RIN2: variants seen among roughly 807,000 people sequenced by gnomAD.
The protein encoded by RIN2 is Ras and Rab interactor 2, also known as RAB5 interacting protein 2.
In RIN2, 36 loss-of-function variants were observed where a neutral mutation model predicts 78.0. That is an observed-to-expected ratio of 0.46 (90% CI 0.35 to 0.61). The LOEUF (loss-of-function observed/expected upper bound fraction) is 0.61. RIN2 is among the 20% of genes least tolerant of loss of function. The pLI is 0.00. For synonymous variants in RIN2, 466 were observed against 466.8 expected (o/e 1.00, Z 0.02); for missense variants, 1,087 against 1,159.7 (o/e 0.94, Z 0.91).
chr20:19,878,045 T>C (rs983959851), intron 2 of RIN2, among the ~76,000 whole-genome samples: 2 of 152,136 alleles, frequency 1.3e-5, no homozygotes, highest in African/African-American at 4.8e-5. Context: ...GCGGAAGCTG[T>C]GTCCATTCTG....
chr20:19,764,918 G>GTTTTTTTTTTTGTTTTTTTTTTT (rs2033807887), intron 1 of RIN2, among the ~76,000 whole-genome samples: 1 of 50,362 alleles, frequency 2.0e-5, no homozygotes, highest in East Asian at 8.7e-4. Flanking sequence ...CACTTTCTGC[G>GTTTTTTTTTTTGTTTTTTTTTTT]TTTTTTTTTT....
chr20:19,931,714 T>A (rs2040446792), intron 3 of RIN2, among the ~76,000 whole-genome samples: 1 of 151,956 alleles, frequency 6.6e-6, no homozygotes, highest in Non-Finnish European at 1.5e-5. Flanking sequence ...TTTGCCTTTT[T>A]TTTTTTTTTT....
chr20:19,977,859 GT>G (rs901146551), intron 9 of RIN2, among the ~76,000 whole-genome samples: 1 of 152,014 alleles, frequency 6.6e-6, no homozygotes, highest in Non-Finnish European at 1.5e-5. Flanking sequence ...GTTTGGTTTG[GT>G]TTTTTTAAAC....
intron 1 of RIN2, among the ~76,000 whole-genome samples, chr20:19,771,963 TTCCA>T (rs1269037176): frequency 4.6e-5 from 7 of 152,298 alleles, no homozygotes; most frequent in Admixed American, 3.3e-4. Flanking sequence ...TCTGCAGAAC[TTCCA>T]TGACTCCCAA....
chr20:19,977,774 C>G (rs972444696), intron 9 of RIN2, among the ~76,000 whole-genome samples: 1 of 152,174 alleles, frequency 6.6e-6, no homozygotes, highest in Non-Finnish European at 1.5e-5. Context: ...TGTGTTGAGG[C>G]AGCTCAGACT....
chr20:19,792,939 CTGTGTGTGTGTGTGTG>C (rs36049213), intron 1 of RIN2, among the ~76,000 whole-genome samples: 1 of 147,148 alleles, frequency 6.8e-6, no homozygotes, highest in Non-Finnish European at 1.5e-5. Context: ...TAAGCAGCCA[CTGTGTGTGTGTGTGTG>C]TGTGTGTGTG....
rs989560819 is a variant in RIN2 at position 19,973,941 on chromosome 20, C to T, written c.629-713C>T. Among the ~76,000 whole-genome samples, 8 of 152,198 alleles carry T rather than the reference C, an allele frequency of 5.3e-5. No homozygotes were observed. The East Asian group carries it at 1.5e-3, about 29-fold the overall frequency. Reference sequence around the variant, plus strand: ...ACAGATCAATAAGCAATCTGCACTACTTCGCAGAGCATTGCATATTTATGA... The same window carrying T: ...ACAGATCAATAAGCAATCTGCACTATTTCGCAGAGCATTGCATATTTATGA... On this transcript the variant is annotated intron_variant, in intron 8 of 12. Coordinates refer to ENST00000255006, the MANE Select transcript of RIN2 (RefSeq NM_018993.4).
intron 3 of RIN2, among the ~76,000 whole-genome samples, chr20:19,927,554 A>G (rs2040273063): frequency 6.6e-6 from 1 of 152,092 alleles, no homozygotes; most frequent in Non-Finnish European, 1.5e-5. Flanking sequence ...AGCTGGGACT[A>G]CAGGTGCATG....
chr20:19,967,393 G>T (rs2041972761), intron 7 of RIN2, among the ~76,000 whole-genome samples: 1 of 152,200 alleles, frequency 6.6e-6, no homozygotes, highest in African/African-American at 2.4e-5. Context: ...GCAATTGGTA[G>T]TTGATTTACT....
intron 2 of RIN2, among the ~76,000 whole-genome samples, chr20:19,813,846 G>A (rs2035679099): frequency 6.6e-6 from 1 of 152,080 alleles, no homozygotes; most frequent in African/African-American, 2.4e-5. Flanking sequence ...AGTTCAACTG[G>A]AAAATAATAC....
chr20:19,986,553 C>T (rs1047790843), intron 9 of RIN2, among the ~76,000 whole-genome samples: 1 of 152,122 alleles, frequency 6.6e-6, no homozygotes. Context: ...GGTGGAATTC[C>T]CCTCGAAGGC....
At chr20:19,925,754 G>A (rs1444348143) in intron 3 of RIN2, among the ~76,000 whole-genome samples, 3 of 152,206 alleles carry the variant, frequency 2.0e-5, no homozygotes, top group Admixed American at 6.5e-5. Context: ...GACAAGCAGC[G>A]TGGACACTTT....
chr20:19,797,859 CTTTTT>C (rs750371451), intron 1 of RIN2, among the ~76,000 whole-genome samples: 1 of 128,108 alleles, frequency 7.8e-6, no homozygotes, highest in Non-Finnish European at 1.6e-5. Flanking sequence ...TCTACTTAAT[CTTTTT>C]TTTTTTTTTT....
Position 19,956,775 on chromosome 20 carries a change from G to A in RIN2, c.319G>A (p.Ala107Thr). 6.3e-7 allele frequency: 1 copy of A among 1,598,182 alleles called. No homozygotes were observed. The highest frequency in any genetic ancestry group is 1.1e-5 in the South Asian group (1 of 88,750). ...GCAGCTGAGTCTGAGTGAGGAGGAGGCAGCAGAGGTCCTGCAGGCCCAGCC... is the reference window on the plus strand; with the variant it reads ...GCAGCTGAGTCTGAGTGAGGAGGAGACAGCAGAGGTCCTGCAGGCCCAGCC... ...WLQLSLSEEE[A>T]AEVLQAQPPG... Residue 107 changes from alanine to threonine, a missense_variant, in exon 5 of 13, where the codon GCA becomes ACA. Coordinates refer to ENST00000255006, the MANE Select transcript of RIN2 (RefSeq NM_018993.4).
intron 11 of RIN2, among the ~76,000 whole-genome samples, chr20:19,995,682 A>G (rs2042937354): frequency 6.6e-6 from 1 of 152,174 alleles, no homozygotes; most frequent in South Asian, 2.1e-4. Context: ...TTAGTCCCAA[A>G]GGAAGGGGGG....
chr20:19,766,802 C>T (rs1048270432), intron 1 of RIN2, among the ~76,000 whole-genome samples: 4 of 151,798 alleles, frequency 2.6e-5, no homozygotes, highest in Non-Finnish European at 5.9e-5. Flanking sequence ...GCACCTGCTA[C>T]TCGGGAGATT....
chr20:19,942,118 A>AGAAAAAAAAAG (rs533733992), intron 4 of RIN2, among the ~76,000 whole-genome samples: 1 of 143,002 alleles, frequency 7.0e-6, no homozygotes, highest in South Asian at 2.2e-4. Flanking sequence ...TCAAAAAAAA[A>AGAAAAAAAAAG]AAAAGAAAGA....
intron 9 of RIN2, among the ~76,000 whole-genome samples, chr20:19,980,397 G>A (rs1485232999): frequency 2.6e-5 from 4 of 152,172 alleles, no homozygotes; most frequent in Non-Finnish European, 5.9e-5. Context: ...TGACACCCCT[G>A]GAGTTGTGAC....
chr20:19,788,447 A>AAC, intron 1 of RIN2, among the ~76,000 whole-genome samples: 2 of 150,604 alleles, frequency 1.3e-5, no homozygotes, highest in African/African-American at 4.9e-5. Flanking sequence ...AAAAAAAAAA[A>AAC]AACAACTAGC....
Sources: allele counts gnomAD v4.1 joint callset (sites outside exome capture counted in the v4.1 genomes callset), GRCh38; gene constraint gnomAD v4.1.1; transcripts MANE v1.5; gene names NCBI Gene and HGNC (gene_info 2026-07-23, HGNC 2026-07-21).